PRKD1: variants seen among roughly 807,000 people sequenced by gnomAD.
PRKD1 encodes the protein serine/threonine-protein kinase D1.
A neutral mutation model predicts 95.9 loss-of-function variants in PRKD1; 63 were observed. That is an observed-to-expected ratio of 0.66 (90% CI 0.54 to 0.81). The LOEUF (loss-of-function observed/expected upper bound fraction) is 0.81, where lower values mean the gene tolerates loss of function less well. PRKD1 is among the 30% of genes least tolerant of loss of function. The pLI is 0.00. For synonymous variants in PRKD1, 425 were observed against 423.1 expected (o/e 1.00, Z -0.05); for missense variants, 1,048 against 1,165.3 (o/e 0.90, Z 1.47).
At chr14:29,814,892 T>G (rs1224473202) in intron 1 of PRKD1, among the ~76,000 whole-genome samples, 1 of 152,222 alleles carries the variant, frequency 6.6e-6, no homozygotes, top group African/African-American at 2.4e-5. Context: ...CAACTTGAAC[T>G]GTATCACCAT....
At chr14:29,847,729 G>A (rs970118810) in intron 1 of PRKD1, among the ~76,000 whole-genome samples, 13 of 152,118 alleles carry the variant, frequency 8.5e-5, no homozygotes, top group Admixed American at 6.6e-4. Context: ...CTTTCACAAA[G>A]GCCTCATTAA....
chr14:29,722,165 CA>C (rs1359843543), intron 2 of PRKD1, among the ~76,000 whole-genome samples: 3 of 151,988 alleles, frequency 2.0e-5, no homozygotes, highest in Non-Finnish European at 4.4e-5. Context: ...TAAAAACAAC[CA>C]GGTTATGTTT....
intron 1 of PRKD1, among the ~76,000 whole-genome samples, chr14:29,857,614 G>T (rs191906802): frequency 1.3e-5 from 2 of 152,280 alleles, no homozygotes; most frequent in African/African-American, 4.8e-5. Context: ...TCAGGTTAGG[G>T]TTATGCTTAT....
At chr14:29,809,555 A>G (rs1275377232) in intron 1 of PRKD1, among the ~76,000 whole-genome samples, 1 of 152,206 alleles carries the variant, frequency 6.6e-6, no homozygotes, top group East Asian at 1.9e-4. Flanking sequence ...TACACCTTGC[A>G]CTTTTATTTT....
chr14:29,714,409 T>C (rs1885493501), intron 2 of PRKD1, among the ~76,000 whole-genome samples: 1 of 152,176 alleles, frequency 6.6e-6, no homozygotes, highest in South Asian at 2.1e-4. Flanking sequence ...CACAATGAGA[T>C]ACCATCTCAC....
rs77903613 is a variant in PRKD1, at chr14:29,637,933, G to T, written c.985+556C>A. On this transcript the variant is annotated intron_variant, in intron 6 of 17. Transcript: ENST00000331968. Reference sequence around the variant, plus strand: ...CCTGGGATTCTAAGTCAAATATTTTGGTAGTGATCCATTAGAATGCTACCC... The same window carrying T: ...CCTGGGATTCTAAGTCAAATATTTTTGTAGTGATCCATTAGAATGCTACCC... Among the ~76,000 whole-genome samples the T allele has an allele frequency of 3.1e-3, 478 of 152,266 alleles. 3 individuals carry two copies. Among genetic ancestry groups the T allele is most frequent in the African/African-American group, 0.011 (455 of 41,556 alleles).
chr14:29,923,031 G>C (rs866517748), intron 1 of PRKD1, among the ~76,000 whole-genome samples: 2 of 151,782 alleles, frequency 1.3e-5, no homozygotes, highest in Non-Finnish European at 2.9e-5. Context: ...AGGAGTTCCA[G>C]ACCAGCCTGG....
chr14:29,926,506 C>A (rs536880140), intron 1 of PRKD1, among the ~76,000 whole-genome samples: 3 of 152,146 alleles, frequency 2.0e-5, no homozygotes, highest in Non-Finnish European at 2.9e-5. Flanking sequence ...AATGACCCTT[C>A]TAACCTGCCT....
chr14:29,860,946 C>T (rs1028371575), intron 1 of PRKD1, among the ~76,000 whole-genome samples: 3 of 152,086 alleles, frequency 2.0e-5, no homozygotes, highest in East Asian at 1.9e-4. Flanking sequence ...GGGTTAATTC[C>T]GTAATTAGTT....
intron 1 of PRKD1, among the ~76,000 whole-genome samples, chr14:29,904,261 G>A (rs1894420058): frequency 1.3e-5 from 2 of 152,254 alleles, no homozygotes; most frequent in East Asian, 1.9e-4. Context: ...AAAGGGAAGA[G>A]GAACCATTGT....
At chr14:29,638,985 T>G in intron 4 of PRKD1, 81 bp from the exon 5 acceptor site, 6 of 1,052,862 alleles carry the variant, frequency 5.7e-6, no homozygotes, top group Non-Finnish European at 8.3e-6. Context: ...AGATACCGGT[T>G]TACTCTTGTA....
At chr14:29,718,017 A>G (rs978922813) in intron 2 of PRKD1, among the ~76,000 whole-genome samples, 2 of 152,182 alleles carry the variant, frequency 1.3e-5, no homozygotes, top group African/African-American at 4.8e-5. Flanking sequence ...ACCAAGCACA[A>G]TATCCCTACT....
intron 2 of PRKD1, among the ~76,000 whole-genome samples, chr14:29,714,444 A>G (rs948343214): frequency 6.6e-6 from 1 of 152,230 alleles, no homozygotes; most frequent in African/African-American, 2.4e-5. Context: ...CAATCATTAA[A>G]AAGTCAGGAA....
chr14:29,687,727 C>T (rs1004206564), intron 2 of PRKD1, among the ~76,000 whole-genome samples: 5 of 152,228 alleles, frequency 3.3e-5, no homozygotes, highest in Non-Finnish European at 4.4e-5. Context: ...CCCTGTTACA[C>T]AGTAACTGCT....
At chr14:29,778,666 C>A (rs574861170) in intron 1 of PRKD1, among the ~76,000 whole-genome samples, 4 of 152,108 alleles carry the variant, frequency 2.6e-5, no homozygotes, top group South Asian at 2.1e-4. Flanking sequence ...ATCCAAAAAA[C>A]GTCCAGGACC....
chr14:29,684,819 C>G (rs978039134), intron 2 of PRKD1, among the ~76,000 whole-genome samples: 1 of 152,194 alleles, frequency 6.6e-6, no homozygotes, highest in African/African-American at 2.4e-5. Context: ...CTGCAGTTAT[C>G]ACATCCCTGA....
At chr14:29,733,110 T>C (rs1315869282) in intron 1 of PRKD1, among the ~76,000 whole-genome samples, 3 of 133,240 alleles carry the variant, frequency 2.3e-5, no homozygotes, top group Non-Finnish European at 4.5e-5. Flanking sequence ...ATTTATTTAT[T>C]TTTTTTTTTT....
chr14:29,826,724 T>C lies in PRKD1; in HGVS notation c.264+100525A>G, dbSNP rs1236783915. Among the ~76,000 whole-genome samples the C allele has an allele frequency of 1.3e-3, 92 of 73,556 alleles. 3 individuals are homozygous for C. The highest frequency in any genetic ancestry group is 2.9e-3 in the East Asian group (9 of 3,140). The allele number at this position is 73,556 out of a possible 152,430, so 48.3% of individuals were successfully genotyped here. On this transcript the variant is annotated intron_variant, in intron 1 of 17. Coordinates refer to ENST00000331968, the MANE Select transcript of PRKD1 (RefSeq NM_002742.3). ...ACATATATACACATATATATATACA[T>C]ATATATACACATATATATACACATA...
chr14:29,887,392 G>A (rs1288038156), intron 1 of PRKD1, among the ~76,000 whole-genome samples: 1 of 152,148 alleles, frequency 6.6e-6, no homozygotes, highest in East Asian at 1.9e-4. Flanking sequence ...TGTATTCAGT[G>A]TGTCCATATT....
Sources: gnomAD v4.1 joint callset for allele counts (sites outside exome capture counted in the v4.1 genomes callset) on GRCh38, gnomAD v4.1.1 for gene constraint, MANE v1.5 for transcripts, NCBI Gene and HGNC (gene_info 2026-07-23, HGNC 2026-07-21) for gene names.